DNM3: variants seen among roughly 807,000 people sequenced by gnomAD.
DNM3 encodes dynamin 3, also known as dynamin-3.
DNM3 carries 47 observed loss-of-function variants against 101.6 expected under a neutral mutation model. The ratio of observed to expected loss-of-function variants is 0.46; its 90% CI spans 0.37 to 0.59. The LOEUF (loss-of-function observed/expected upper bound fraction) is 0.59. Among genes scored for constraint, DNM3 ranks in the 20% least tolerant of loss-of-function variants. The pLI is 0.00. For synonymous variants in DNM3, 385 were observed against 387.9 expected, an observed-to-expected ratio of 0.99 and a Z score of 0.09; for missense variants, 849 against 1,085.7, an observed-to-expected ratio of 0.78 and a Z score of 3.06.
At chr1:171,981,216 A>G (rs1236183231) in intron 2 of DNM3, among the ~76,000 whole-genome samples, 1 of 152,348 alleles carries the variant, frequency 6.6e-6, no homozygotes, top group East Asian at 1.9e-4. Flanking sequence ...CACTGAAGAC[A>G]GTCCCTTATG....
intron 4 of DNM3, among the ~76,000 whole-genome samples, chr1:172,008,036 A>G (rs985570236): frequency 6.6e-6 from 1 of 152,012 alleles, no homozygotes; most frequent in Non-Finnish European, 1.5e-5. Context: ...TCTTTTGCCC[A>G]TTTTAAAGTC....
rs1286031806 is a variant in DNM3 at position 172,144,197 on chromosome 1, A to C, written c.1659+12909A>C. Reference sequence around the variant, plus strand: ...ATCAATCTTCAGAAATAAAAAAAAAAAAAACAGTAAATCGCTATATACCAC... The same window carrying C: ...ATCAATCTTCAGAAATAAAAAAAAACAAAACAGTAAATCGCTATATACCAC... On this transcript the variant is annotated intron_variant, in intron 14 of 20. Transcript: ENST00000627582. Among the ~76,000 whole-genome samples the C allele has an allele frequency of 1.4e-4, 22 of 152,016 alleles. 1 individual carries two copies. Among genetic ancestry groups the C allele is most frequent in the Admixed American group, 6.6e-5 (1 of 15,264 alleles).
chr1:172,175,103 A>G (rs1250162965), intron 14 of DNM3, among the ~76,000 whole-genome samples: 2 of 151,710 alleles, frequency 1.3e-5, no homozygotes, highest in African/African-American at 4.8e-5. Context: ...ATGGCCATAT[A>G]CCCTCTCCTG....
intron 15 of DNM3, among the ~76,000 whole-genome samples, chr1:172,305,949 G>T (rs1431999398): frequency 6.6e-6 from 1 of 152,194 alleles, no homozygotes; most frequent in Non-Finnish European, 1.5e-5. Flanking sequence ...AAAACTGGAA[G>T]CGTTCCCTTT....
chr1:172,397,532 A>ATCTT (rs2070113783), intron 20 of DNM3, among the ~76,000 whole-genome samples: 1 of 152,228 alleles, frequency 6.6e-6, no homozygotes, highest in Non-Finnish European at 1.5e-5. Flanking sequence ...CAGTTCGGGA[A>ATCTT]TCTTTAATGA....
intron 14 of DNM3, among the ~76,000 whole-genome samples, chr1:172,195,930 G>A (rs1055795421): frequency 3.3e-5 from 5 of 150,672 alleles, no homozygotes; most frequent in Admixed American, 2.7e-4. Flanking sequence ...TTTTAGGTTT[G>A]GGGGAACATA....
At chr1:171,957,238 C>T (rs1345283926) in intron 2 of DNM3, among the ~76,000 whole-genome samples, 1 of 149,048 alleles carries the variant, frequency 6.7e-6, no homozygotes, top group African/African-American at 2.5e-5. Context: ...CGCACTGTCA[C>T]CCAGGCTGGA....
At chr1:172,006,137 A>G (rs899305690) in intron 4 of DNM3, among the ~76,000 whole-genome samples, 4 of 152,122 alleles carry the variant, frequency 2.6e-5, no homozygotes, top group Admixed American at 6.6e-5. Context: ...AATACCTCAC[A>G]GTCCCAAGTC....
intron 15 of DNM3, among the ~76,000 whole-genome samples, chr1:172,299,794 C>G (rs559610418): frequency 6.6e-6 from 1 of 152,214 alleles, no homozygotes; most frequent in African/African-American, 2.4e-5. Flanking sequence ...TTAACAGACA[C>G]CTAGGTTGAT....
chr1:172,187,830 A>G (rs2148421743), intron 14 of DNM3, among the ~76,000 whole-genome samples: 1 of 152,192 alleles, frequency 6.6e-6, no homozygotes, highest in Non-Finnish European at 1.5e-5. Flanking sequence ...GTTTCTCTGA[A>G]TATCCTGTTG....
At chr1:172,189,509 G>T (rs1252500247) in intron 14 of DNM3, among the ~76,000 whole-genome samples, 4 of 151,944 alleles carry the variant, frequency 2.6e-5, no homozygotes. Flanking sequence ...ACCATTTATT[G>T]AGGTCTTCTT....
intron 1 of DNM3, among the ~76,000 whole-genome samples, chr1:171,883,410 CA>C (rs1558209887): frequency 0.27 from 29,944 of 111,924 alleles, 3,618 homozygotes; most frequent in Non-Finnish European, 0.31. Flanking sequence ...CACACACACA[CA>C]CACCCTGTCA....
intron 10 of DNM3, among the ~76,000 whole-genome samples, chr1:172,062,099 G>A (rs761375497): frequency 6.6e-6 from 1 of 152,106 alleles, no homozygotes; most frequent in South Asian, 2.1e-4. Context: ...ACTCATTAAA[G>A]GATTTGCAAT....
At chr1:171,875,752 C>T (rs76893321) in intron 1 of DNM3, among the ~76,000 whole-genome samples, 2,363 of 148,528 alleles carry the variant, frequency 0.016, 71 homozygotes, top group African/African-American at 0.056. Flanking sequence ...GCACTTAGTA[C>T]AGTGTTTATT....
intron 2 of DNM3, among the ~76,000 whole-genome samples, chr1:171,970,471 AACTT>A (rs2043910218): frequency 1.3e-5 from 2 of 152,106 alleles, no homozygotes; most frequent in African/African-American, 4.8e-5. Flanking sequence ...TTTACATACT[AACTT>A]AGGTAACAAG....
intron 4 of DNM3, among the ~76,000 whole-genome samples, chr1:171,998,790 C>T (rs1358898662): frequency 6.6e-6 from 1 of 152,078 alleles, no homozygotes; most frequent in Non-Finnish European, 1.5e-5. Flanking sequence ...AAGCAGAGAA[C>T]TGATGAAGTG....
At chr1:171,969,960 C>T (rs568981039) in intron 2 of DNM3, among the ~76,000 whole-genome samples, 2 of 152,200 alleles carry the variant, frequency 1.3e-5, no homozygotes, top group South Asian at 2.1e-4. Flanking sequence ...GTGTGTAGTA[C>T]AGCAGATTCT....
chr1:172,139,426 A>G (rs1316596526), intron 14 of DNM3: 1 of 155,412 alleles, frequency 6.4e-6, no homozygotes, highest in Non-Finnish European at 1.4e-5. Context: ...TTATTTGGCA[A>G]CCCAAGTTGC....
chr1:171,889,201 A>G, intron 1 of DNM3, among the ~76,000 whole-genome samples: 1 of 151,732 alleles, frequency 6.6e-6, no homozygotes, highest in East Asian at 1.9e-4. Flanking sequence ...TTGGTCTGCA[A>G]CTCCTAGGCT....
Sources: gnomAD v4.1 joint callset for allele counts (sites outside exome capture counted in the v4.1 genomes callset) on GRCh38, gnomAD v4.1.1 for gene constraint, MANE v1.5 for transcripts, NCBI Gene and HGNC (gene_info 2026-07-23, HGNC 2026-07-21) for gene names.